TTI1: variants seen among roughly 807,000 people sequenced by gnomAD.
TTI1 encodes the protein TELO2-interacting protein 1 homolog.
In TTI1, 52 loss-of-function variants were observed where a neutral mutation model predicts 85.4. The observed-to-expected ratio is 0.61, with a 90% CI of 0.49 to 0.77. The LOEUF (loss-of-function observed/expected upper bound fraction) is 0.77. Ranked by LOEUF, TTI1 falls within the 30% of genes least tolerant of loss-of-function variation. The pLI, the probability that TTI1 is intolerant of heterozygous loss-of-function variation, is 0.00. For missense variants in TTI1, 1,173 were observed against 1,296.0 expected, an observed-to-expected ratio of 0.91 and a Z score of 1.46; for synonymous variants, 512 against 503.9, an observed-to-expected ratio of 1.02 and a Z score of -0.22.
chr20:38,000,336 T>G (rs2122528120), intron 4 of TTI1: 1 of 154,908 alleles, frequency 6.5e-6, no homozygotes, highest in African/African-American at 2.4e-5. Flanking sequence ...CAGAAAGGGT[T>G]AGGCTACCCT....
chr20:38,012,575 T>C lies in TTI1; in HGVS notation c.1242A>G (p.Lys414=). 6.2e-7 allele frequency: 1 copy of C among 1,614,134 alleles called. No individual in the cohort carries two copies. The highest frequency in any genetic ancestry group is 8.5e-7 in the Non-Finnish European group (1 of 1,180,020). The change falls in exon 2 of 8, where the codon AAA becomes AAG. Residue 414 remains lysine (K), a synonymous_variant. Transcript: ENST00000373447. ...CCACAGAGTTGAGGACAAAGTTTAT[T>C]TTTGGGCCCAAGAGTTTCAGATAAC... is the stretch of plus-strand genomic sequence containing the variant. The part of the protein sequence containing the change: ...LLGYLKLLGP[K]INFVLNSVAH...
At chr20:37,995,379 C>A (rs143281319) in intron 7 of TTI1, among the ~76,000 whole-genome samples, 2 of 152,378 alleles carry the variant, frequency 1.3e-5, no homozygotes, top group East Asian at 1.9e-4. Flanking sequence ...ACAGTCAGAG[C>A]AGCCTTTCCA....
At position 38,012,746 on chromosome 20, in the gene TTI1, A is replaced by G; in HGVS notation, c.1071T>C (p.His357=). The G allele has an allele frequency of 6.2e-7, 1 of 1,614,210 alleles. No homozygotes were observed. Among genetic ancestry groups the G allele is most frequent in the East Asian group, 2.2e-5 (1 of 44,886 alleles). The change falls in exon 2 of 8, where the codon CAT becomes CAC. Residue 357 remains histidine, a synonymous_variant. Transcript: ENST00000373447. ...CCACCACTACTTTTTGATCTGCAAA[A>G]TGTCTCAGAACTTTATTGCACTGGG... ...IQAQCNKVLR[H]FADQKVVVGN...
chr20:38,015,841 G>A (rs767401130), intron 1 of TTI1, among the ~76,000 whole-genome samples: 1 of 152,200 alleles, frequency 6.6e-6, no homozygotes, highest in African/African-American at 2.4e-5. Flanking sequence ...GACGCAAACT[G>A]TGAGACTTGG....
At chr20:38,031,094 G>C (rs1383099019) in intron 1 of TTI1, among the ~76,000 whole-genome samples, 1 of 152,122 alleles carries the variant, frequency 6.6e-6, no homozygotes, top group African/African-American at 2.4e-5. Context: ...ATACCACCCT[G>C]GTTTGAGTTA....
At chr20:38,013,950 G>C in intron 1 of TTI1, 93 bp from the exon 2 acceptor site, 1 of 1,352,682 alleles carries the variant, frequency 7.4e-7, no homozygotes, top group Non-Finnish European at 9.9e-7. Flanking sequence ...TTTACCTGGG[G>C]TCTATGTGCC....
At chr20:38,017,112 A>G (rs950588186) in intron 1 of TTI1, among the ~76,000 whole-genome samples, 1 of 152,182 alleles carries the variant, frequency 6.6e-6, no homozygotes, top group African/African-American at 2.4e-5. Flanking sequence ...TTATTTGTGT[A>G]TATGTCTGTT....
At chr20:37,997,785 A>C (rs1224536871) in intron 5 of TTI1, among the ~76,000 whole-genome samples, 1 of 152,072 alleles carries the variant, frequency 6.6e-6, no homozygotes, top group Non-Finnish European at 1.5e-5. Flanking sequence ...TGGGGAAAGC[A>C]GCCTCAGTTA....
At chr20:38,022,019 G>A (rs1025412493) in intron 1 of TTI1, among the ~76,000 whole-genome samples, 4 of 152,164 alleles carry the variant, frequency 2.6e-5, no homozygotes, top group South Asian at 2.1e-4. Context: ...GTGTTGAGCT[G>A]GGGTACTATA....
chr20:38,017,975 C>G (rs553631620), intron 1 of TTI1, among the ~76,000 whole-genome samples: 3 of 152,306 alleles, frequency 2.0e-5, no homozygotes, highest in South Asian at 2.1e-4. Context: ...ATACGTCAGA[C>G]TAGACTGAAG....
intron 7 of TTI1, among the ~76,000 whole-genome samples, chr20:37,991,531 T>C (rs2073265010): frequency 6.6e-6 from 1 of 152,174 alleles, no homozygotes. Context: ...AGCAGGGAAG[T>C]CAGTCTGTAA....
At position 38,011,651 on chromosome 20, in the gene TTI1, C is replaced by T. The variant is rs1283136014; in HGVS notation, c.2166G>A (p.Met722Ile). ...HPHTPKVLEV[M>I]LRNSDANLLP... ...GCAGGTTAGCATCTGAGTTCCGCAG[C>T]ATGACTTCCAGGACCTTTGGGGTAT... The change falls in exon 2 of 8, where the codon ATG becomes ATA. Residue 722 changes from methionine to isoleucine, a missense_variant. Transcript: ENST00000373447. The T allele has an allele frequency of 6.2e-7, 1 of 1,614,230 alleles. No homozygotes were observed. Among genetic ancestry groups the T allele is most frequent in the South Asian group, 1.1e-5 (1 of 91,082 alleles).
At chr20:38,019,770 A>C (rs1193544427) in intron 1 of TTI1, among the ~76,000 whole-genome samples, 1 of 152,230 alleles carries the variant, frequency 6.6e-6, no homozygotes, top group Non-Finnish European at 1.5e-5. Context: ...GGGTGGGATA[A>C]TTACTTGTTG....
At chr20:38,002,507 G>T in intron 4 of TTI1, 121 bp downstream of exon 4, 1 of 1,310,880 alleles carries the variant, frequency 7.6e-7, no homozygotes, top group Non-Finnish European at 1.0e-6. Context: ...GCCTTCTCTT[G>T]GCCACCACAC....
chr20:37,988,068 T>C (rs1041275098), intron 7 of TTI1, among the ~76,000 whole-genome samples: 11 of 152,216 alleles, frequency 7.2e-5, no homozygotes, highest in Admixed American at 2.0e-4. Context: ...ACTGAGGTGC[T>C]TGAGGCACAA....
At chr20:38,006,860 T>C (rs2073508378) in intron 2 of TTI1, among the ~76,000 whole-genome samples, 2 of 152,232 alleles carry the variant, frequency 1.3e-5, no homozygotes, top group African/African-American at 4.8e-5. Flanking sequence ...GAGCCTCCCA[T>C]CAGACTCTAT....
rs550827514 is a variant in TTI1, at chr20:38,030,786, T to C, written c.-42+2618A>G. On this transcript the variant is annotated intron_variant, in intron 1 of 7. Coordinates refer to ENST00000373447, the MANE Select transcript of TTI1 (RefSeq NM_001303457.2). ...CTCACATTTTTATCTCTAACCCAGATAGCTCTTCCTTGAATTCCAGACCCA... is the reference window on the plus strand; with the variant it reads ...CTCACATTTTTATCTCTAACCCAGACAGCTCTTCCTTGAATTCCAGACCCA... Among the ~76,000 whole-genome samples, 47 of 152,336 alleles carry C rather than the reference T, an allele frequency of 3.1e-4. 1 individual carries two copies. The South Asian group carries it at 9.5e-3, about 31-fold the overall frequency.
intron 7 of TTI1, 29 bp from the exon 8 acceptor site, chr20:37,983,668 A>C (rs147144298): frequency 6.8e-7 from 1 of 1,479,980 alleles, no homozygotes; most frequent in Non-Finnish European, 9.0e-7. Flanking sequence ...GAGTGAGTAG[A>C]GGGTACAGAG....
chr20:38,010,847 T>G (rs2073575461), intron 2 of TTI1, among the ~76,000 whole-genome samples: 1 of 152,138 alleles, frequency 6.6e-6, no homozygotes, highest in Non-Finnish European at 1.5e-5. Context: ...GAAGAGAAAC[T>G]TAAACCAACT....
Sources: gnomAD v4.1 joint callset for allele counts (sites outside exome capture counted in the v4.1 genomes callset) on GRCh38, gnomAD v4.1.1 for gene constraint, MANE v1.5 for transcripts, NCBI Gene and HGNC (gene_info 2026-07-23, HGNC 2026-07-21) for gene names.